The following NRXN3 variants were observed in gnomAD, a reference collection of about 807,000 sequenced individuals.
NRXN3 encodes the protein neurexin III.
In NRXN3, 32 loss-of-function variants were observed where a neutral mutation model predicts 137.6. That is an observed-to-expected ratio of 0.23 (90% CI 0.18 to 0.31). The LOEUF is 0.31. Ranked by LOEUF, NRXN3 falls within the 10% of genes least tolerant of loss-of-function variation. NRXN3 has a pLI of 1.00. For synonymous variants in NRXN3, 798 were observed against 784.5 expected (o/e 1.02, Z -0.29); for missense variants, 1,574 against 2,062.5 (o/e 0.76, Z 4.59).
chr14:79,595,683 G>A lies in NRXN3; in HGVS notation c.3445-68095G>A, dbSNP rs190750157. Among the ~76,000 whole-genome samples the A allele has an allele frequency of 1.9e-3, 291 of 151,840 alleles. 2 individuals are homozygous for A. The highest frequency in any genetic ancestry group is 6.7e-3 in the African/African-American group (277 of 41,428). On this transcript the variant is annotated intron_variant, in intron 16 of 20. Transcript: ENST00000335750. ...CTAGATTGTAAAAACTTCATATCAC[G>A]ATATAAATTATCTCCAACAATTTTT... is the stretch of plus-strand genomic sequence containing the variant.
At chr14:78,536,572 T>C (rs997536994) in intron 4 of NRXN3, among the ~76,000 whole-genome samples, 2 of 152,148 alleles carry the variant, frequency 1.3e-5, no homozygotes, top group African/African-American at 4.8e-5. Context: ...ATATGTAGAT[T>C]GAAATAAACA....
At chr14:79,845,875 A>AGAGAGAGACG (rs147442701) in intron 20 of NRXN3, among the ~76,000 whole-genome samples, 28,943 of 43,790 alleles carry the variant, frequency 0.66, 12,664 homozygotes, top group East Asian at 0.9. Flanking sequence ...AGAGAGATGG[A>AGAGAGAGACG]GAGAGAGAGA....
chr14:79,277,725 TG>T (rs1206106664), intron 15 of NRXN3, among the ~76,000 whole-genome samples: 3 of 152,186 alleles, frequency 2.0e-5, no homozygotes, highest in African/African-American at 7.2e-5. Flanking sequence ...CCTGAGAGCA[TG>T]CTGCTGGTTT....
At chr14:78,939,240 C>T (rs1426620202) in intron 10 of NRXN3, among the ~76,000 whole-genome samples, 1 of 152,044 alleles carries the variant, frequency 6.6e-6, no homozygotes, top group African/African-American at 2.4e-5. Flanking sequence ...AGTGGGCTGC[C>T]CCAGAGGTCA....
chr14:79,606,483 A>G (rs563322862), intron 16 of NRXN3, among the ~76,000 whole-genome samples: 1 of 152,216 alleles, frequency 6.6e-6, no homozygotes, highest in Non-Finnish European at 1.5e-5. Context: ...TTATGTGAGC[A>G]TGCAAAAGTG....
intron 16 of NRXN3, among the ~76,000 whole-genome samples, chr14:79,491,354 A>G (rs1023348966): frequency 9.9e-5 from 15 of 152,258 alleles, no homozygotes; most frequent in African/African-American, 3.6e-4. Flanking sequence ...TGGCACCCCT[A>G]CGTCATACTA....
chr14:79,493,470 G>A (rs902680548), intron 16 of NRXN3, among the ~76,000 whole-genome samples: 1 of 152,186 alleles, frequency 6.6e-6, no homozygotes, highest in Non-Finnish European at 1.5e-5. Flanking sequence ...TACTGGGCAA[G>A]CATCCAAAAA....
intron 15 of NRXN3, among the ~76,000 whole-genome samples, chr14:79,168,278 C>A (rs563842446): frequency 2.0e-5 from 3 of 152,102 alleles, no homozygotes; most frequent in Admixed American, 1.3e-4. Flanking sequence ...GGCTTTCTTG[C>A]CATCTACTTG....
Position 79,277,358 on chromosome 14 carries a change from G to T in NRXN3, c.3263-189863G>T, listed in dbSNP as rs1231445347. ...GCAGAGTCATCTAGGCCGCCTTAAG[G>T]CCAAAAGTGCAGTGGAAATCCACCT... On this transcript the variant is annotated intron_variant, in intron 15 of 20. Coordinates refer to ENST00000335750, the MANE Select transcript of NRXN3 (RefSeq NM_001330195.2). Among the ~76,000 whole-genome samples the T allele has an allele frequency of 2.6e-5, 4 of 152,200 alleles. No individual in the cohort carries two copies. The East Asian group carries it at 7.7e-4, about 29-fold the overall frequency.
intron 15 of NRXN3, among the ~76,000 whole-genome samples, chr14:79,376,176 A>G (rs2094275074): frequency 7.0e-6 from 1 of 143,200 alleles, no homozygotes; most frequent in African/African-American, 2.6e-5. Flanking sequence ...CAAGATATAT[A>G]TGAGTATATA....
intron 15 of NRXN3, among the ~76,000 whole-genome samples, chr14:79,151,594 G>T (rs1460234552): frequency 1.3e-5 from 2 of 152,024 alleles, no homozygotes; most frequent in Non-Finnish European, 2.9e-5. Flanking sequence ...TGAGATAAAA[G>T]AAAGCAGCCT....
At chr14:79,475,512 G>A (rs2096551805) in intron 16 of NRXN3, among the ~76,000 whole-genome samples, 1 of 152,080 alleles carries the variant, frequency 6.6e-6, no homozygotes, top group South Asian at 2.1e-4. Context: ...AAAGTGCTGT[G>A]TGTTGAGGGT....
At chr14:79,500,555 G>A (rs1236750191) in intron 16 of NRXN3, among the ~76,000 whole-genome samples, 1 of 152,170 alleles carries the variant, frequency 6.6e-6, no homozygotes, top group Non-Finnish European at 1.5e-5. Flanking sequence ...TAGATGATTA[G>A]AATAATTGCT....
At chr14:79,284,364 A>C (rs1471614118) in intron 15 of NRXN3, among the ~76,000 whole-genome samples, 2 of 118,974 alleles carry the variant, frequency 1.7e-5, no homozygotes, top group Non-Finnish European at 3.4e-5. Flanking sequence ...ATATATATAT[A>C]TATATATATA....
intron 4 of NRXN3, among the ~76,000 whole-genome samples, chr14:78,457,184 G>T (rs1280168826): frequency 6.6e-6 from 1 of 151,888 alleles, no homozygotes; most frequent in Non-Finnish European, 1.5e-5. Context: ...AATTACAAGT[G>T]CACACCACCA....
At chr14:78,974,814 G>A (rs2099458437) in intron 14 of NRXN3, among the ~76,000 whole-genome samples, 1 of 152,120 alleles carries the variant, frequency 6.6e-6, no homozygotes, top group Non-Finnish European at 1.5e-5. Context: ...CAACCTGTGA[G>A]TATAGATAGT....
intron 5 of NRXN3, among the ~76,000 whole-genome samples, chr14:78,648,101 C>T (rs1326630347): frequency 6.6e-6 from 1 of 152,140 alleles, no homozygotes; most frequent in African/African-American, 2.4e-5. Flanking sequence ...AGGACCAAGG[C>T]CAGGTATTTT....
intron 10 of NRXN3, among the ~76,000 whole-genome samples, chr14:78,846,094 A>G (rs2099026168): frequency 6.6e-6 from 1 of 152,026 alleles, no homozygotes; most frequent in South Asian, 2.1e-4. Flanking sequence ...CTGCTTCAGT[A>G]CTCATAAACA....
intron 16 of NRXN3, among the ~76,000 whole-genome samples, chr14:79,590,416 T>TAA (rs11419735): frequency 0.067 from 6,184 of 92,192 alleles, 374 homozygotes; most frequent in East Asian, 0.11. Flanking sequence ...TTTCTTTTGT[T>TAA]AAAAAAAAAA....
Sources: allele counts gnomAD v4.1 joint callset (sites outside exome capture counted in the v4.1 genomes callset), GRCh38; gene constraint gnomAD v4.1.1; transcripts MANE v1.5; gene names NCBI Gene and HGNC (gene_info 2026-07-23, HGNC 2026-07-21).